Variants in LTN1 observed in about 807,000 individuals in gnomAD.
LTN1 encodes the protein E3 ubiquitin-protein ligase listerin.
A neutral mutation model predicts 201.2 loss-of-function variants in LTN1; 88 were observed. That is an observed-to-expected ratio of 0.44 (90% CI 0.37 to 0.52). The LOEUF is 0.52. Ranked by LOEUF, LTN1 falls within the 20% of genes least tolerant of loss-of-function variation. The pLI, the probability that LTN1 is intolerant of heterozygous loss-of-function variation, is 0.00. For synonymous variants in LTN1, 645 were observed against 713.5 expected (o/e 0.90, Z 1.53); for missense variants, 1,752 against 2,038.7 (o/e 0.86, Z 2.71).
chr21:28,935,235 C>A lies in LTN1; in HGVS notation c.4749G>T (p.Trp1583Cys). 2 of 1,613,770 alleles carry A rather than the reference C, an allele frequency of 1.2e-6. No individual in the cohort carries two copies. The highest frequency in any genetic ancestry group is 4.5e-5 in the East Asian group (2 of 44,880). ...TGAAAACACGCTTCTCACTGCTATT[C>A]CACCACAACCTAACCATGGCAGGCA... ...KDLPAMVRLW[W>C]NSSEKRVFNI... is the part of the protein sequence containing the mutation. Residue 1583 changes from tryptophan to cysteine, a missense_variant, in exon 27 of 30, where the codon TGG becomes TGT. Physicochemically the swap from Trp to Cys is radical, Grantham distance 215. Around this residue, in one of 3 missense-constraint regions of LTN1, gnomAD observed 261 missense variants for 350.1 expected, o/e 0.75. Coordinates refer to ENST00000361371, the MANE Select transcript of LTN1 (RefSeq NM_015565.3).
rs1048701839 is a variant in LTN1, at chr21:28,934,162, C to T, written c.4875+947G>A. 3.9e-5 allele frequency among the ~76,000 whole-genome samples: 6 copies of T among 152,302 alleles called. No individual in the cohort carries two copies. In the East Asian group the frequency reaches 9.6e-4, roughly 24 times the overall value. ...CCAATGCAAAAATAATTATCAGTCT[C>T]GCTCTTTTCCCTTTATTAGACTGTA... On this transcript the variant is annotated intron_variant, in intron 27 of 29. Transcript: ENST00000361371.
Position 28,959,330 on chromosome 21 carries a change from C to T in LTN1, c.2593+128G>A, listed in dbSNP as rs184928072. On this transcript the variant is annotated intron_variant, in intron 13 of 29. Coordinates refer to ENST00000361371, the MANE Select transcript of LTN1 (RefSeq NM_015565.3). The stretch of plus-strand genomic sequence containing the variant: ...AGCTGAAAGTGTTTAAGACTGTAGC[C>T]CTTTACTCAAAATGCTTTAAACTTT... 9.3e-6 allele frequency: 10 copies of T among 1,076,330 alleles called. No homozygotes were observed. In the East Asian group the frequency reaches 1.7e-4, roughly 18 times the overall value. 66.7% of individuals were successfully genotyped at this position (1,076,330 alleles called of 1,614,324 possible).
At position 28,959,792 on chromosome 21, in the gene LTN1, C is replaced by T. The variant is rs148726241; in HGVS notation, c.2354-95G>A. The T allele has an allele frequency of 7.3e-5, 81 of 1,114,702 alleles. No individual in the cohort carries two copies. The East Asian group carries it at 2.0e-3, about 27-fold the overall frequency. The allele number at this position is 1,114,702 out of a possible 1,614,324, so 69.1% of individuals were successfully genotyped here. On this transcript the variant is annotated intron_variant, in intron 12 of 29. Coordinates refer to ENST00000361371, the MANE Select transcript of LTN1 (RefSeq NM_015565.3). ...GGATTAATAATTCTATGGGTCTTTC[C>T]TGGATTTTAAAATGTATTAGACAAA...
chr21:28,946,392 C>T, intron 19 of LTN1, 105 bp from the exon 20 acceptor site: 1 of 699,868 alleles, frequency 1.4e-6, no homozygotes, highest in Non-Finnish European at 2.2e-6. Context: ...GAGAAGTGTT[C>T]AGGTTAAGAA....
At chr21:28,957,070 T>C (rs1036094151) in intron 15 of LTN1, 122 bp from the exon 16 acceptor site, 1 of 705,620 alleles carries the variant, frequency 1.4e-6, no homozygotes, top group Non-Finnish European at 2.3e-6. Context: ...TTGTTTTCTT[T>C]TACAGGAAAT....
chr21:28,957,260 A>C, intron 15 of LTN1, 72 bp downstream of exon 15: 5 of 1,387,040 alleles, frequency 3.6e-6, no homozygotes, highest in Non-Finnish European at 3.9e-6. Flanking sequence ...TCTTCCCCAA[A>C]ATAAAAATAT....
chr21:28,951,952 AGAGT>A (rs969829980), intron 18 of LTN1, among the ~76,000 whole-genome samples: 5 of 152,228 alleles, frequency 3.3e-5, no homozygotes, highest in African/African-American at 1.2e-4. Flanking sequence ...CCTGGGCAAC[AGAGT>A]GAGACCCTGT....
At chr21:28,984,484 C>G (rs1320633315) in intron 4 of LTN1, among the ~76,000 whole-genome samples, 1 of 152,000 alleles carries the variant, frequency 6.6e-6, no homozygotes, top group Non-Finnish European at 1.5e-5. Flanking sequence ...AATTTAAATA[C>G]TGTAGAAAGA....
Position 28,992,831 on chromosome 21 carries a change from G to A in LTN1, c.-26C>T, listed in dbSNP as rs183980185. ...GGTCGCGGTTGCAGCTGTACTCTGA[G>A]CACTCAGACCCCGGTTGACACGTCC... On this transcript the variant is annotated 5_prime_UTR_variant, in exon 1 of 30. Transcript: ENST00000361371. 5.1e-5 allele frequency: 82 copies of A among 1,614,208 alleles called. No individual in the cohort carries two copies. In the Middle Eastern group the frequency reaches 9.9e-4, roughly 19 times the overall value.
intron 1 of LTN1, among the ~76,000 whole-genome samples, chr21:28,991,830 GA>G (rs796492942): frequency 8.6e-5 from 13 of 151,572 alleles, no homozygotes; most frequent in Non-Finnish European, 1.6e-4. Flanking sequence ...TCAGAAACAG[GA>G]AAAAAAAGCA....
intron 6 of LTN1, among the ~76,000 whole-genome samples, chr21:28,979,348 A>G (rs1334099274): frequency 6.6e-6 from 1 of 152,230 alleles, no homozygotes; most frequent in Non-Finnish European, 1.5e-5. Flanking sequence ...GAAGATGTTC[A>G]TTGCTGCATT....
intron 16 of LTN1, among the ~76,000 whole-genome samples, chr21:28,954,247 G>A (rs938847939): frequency 6.6e-6 from 1 of 152,166 alleles, no homozygotes; most frequent in African/African-American, 2.4e-5. Flanking sequence ...TTAACTAAAT[G>A]TGAAGGTGGC....
In LTN1 at chr21:28,957,430, G is replaced by C. The variant is rs367765472; in HGVS notation, c.2794C>G (p.Leu932Val). 1.0e-5 allele frequency: 16 copies of C among 1,597,374 alleles called. No homozygotes were observed. Among genetic ancestry groups the C allele is most frequent in the South Asian group, 2.2e-5 (2 of 89,094 alleles). Residue 932 changes from leucine to valine, a missense_variant, in exon 15 of 30, where the codon CTA becomes GTA. Physicochemically the swap from Leu to Val is conservative, Grantham distance 32 (BLOSUM62 1). Transcript: ENST00000361371. ...SAVDDLLNTL[L>V]ESEDSYLMGV... is the part of the protein sequence containing the mutation. ...ATAAGATAAGAATCTTCACTCTCTA[G>C]AAGTGTATTTAGCAAATCATCAACA...
chr21:28,967,025 T>C lies in LTN1; in HGVS notation c.1466A>G (p.His489Arg). The C allele has an allele frequency of 1.2e-6, 2 of 1,614,148 alleles. No homozygotes were observed. Among genetic ancestry groups the C allele is most frequent in the East Asian group, 2.2e-5 (1 of 44,882 alleles). ...TAHNLENVLI[H>R]FWERLSEICV... ...GATCTCTGACAGTCTTTCCCAGAAA[T>C]GTATCAGTACGTTCTCCAAGTTGTG... The change falls in exon 10 of 30, where the codon CAT (histidine) becomes CGT (arginine). Residue 489 changes from histidine (H) to arginine (R), a missense_variant. His to Arg is a conservative substitution (Grantham distance 29). Around this residue, in one of 3 missense-constraint regions of LTN1, gnomAD observed 1,211 missense variants for 1,312.8 expected, o/e 0.92. Coordinates refer to ENST00000361371, the MANE Select transcript of LTN1 (RefSeq NM_015565.3).
intron 8 of LTN1, among the ~76,000 whole-genome samples, chr21:28,970,155 G>C (rs1304481130): frequency 6.6e-6 from 1 of 152,124 alleles, no homozygotes; most frequent in Non-Finnish European, 1.5e-5. Flanking sequence ...AACATCTATA[G>C]TAGTTAAAGT....
chr21:28,949,754 T>TG (rs2084368362), intron 18 of LTN1, among the ~76,000 whole-genome samples: 1 of 152,224 alleles, frequency 6.6e-6, no homozygotes, highest in Non-Finnish European at 1.5e-5. Context: ...TGATGGGCAC[T>TG]TAGGTTGCAA....
chr21:28,952,821 A>G (rs2084393656), intron 17 of LTN1, among the ~76,000 whole-genome samples: 1 of 152,246 alleles, frequency 6.6e-6, no homozygotes, highest in African/African-American at 2.4e-5. Context: ...GACTGTTTTC[A>G]TACCTGCCTT....
chr21:28,970,850 T>A, intron 7 of LTN1, 108 bp from the exon 8 acceptor site: 1 of 720,550 alleles, frequency 1.4e-6, no homozygotes, highest in Non-Finnish European at 2.1e-6. Context: ...GTATTTTACC[T>A]AAAAAAAGCT....
At chr21:28,981,324 A>C (rs1475997859) in intron 5 of LTN1, 25 bp from the exon 6 acceptor site, 8 of 1,300,642 alleles carry the variant, frequency 6.2e-6, no homozygotes, top group Non-Finnish European at 8.1e-6. Context: ...AAATAAATAT[A>C]TTTAAAAATT....
Sources: gnomAD v4.1 joint callset for allele counts (sites outside exome capture counted in the v4.1 genomes callset) on GRCh38, gnomAD v4.1.1 for gene constraint, gnomAD v4.1.1 regional missense constraint, MANE v1.5 for transcripts, NCBI Gene and HGNC (gene_info 2026-07-23, HGNC 2026-07-21) for gene names.